MET: variants seen among roughly 807,000 people sequenced by gnomAD.
The protein encoded by MET is hepatocyte growth factor receptor.
Under a neutral mutation model 133.1 loss-of-function variants are expected in MET, and 48 were observed. The ratio of observed to expected loss-of-function variants is 0.36; its 90% CI spans 0.29 to 0.46. MET has a LOEUF of 0.46. Ranked by LOEUF, MET falls within the 20% of genes least tolerant of loss-of-function variation. The pLI is 1.00. For synonymous variants in MET, 628 were observed against 616.5 expected (o/e 1.02, Z -0.28); for missense variants, 1,442 against 1,695.9 (o/e 0.85, Z 2.63).
chr7:116,702,158 G>A (rs1584880650), intron 2 of MET, among the ~76,000 whole-genome samples: 1 of 151,992 alleles, frequency 6.6e-6, no homozygotes, highest in Non-Finnish European at 1.5e-5. Flanking sequence ...TATCGCCCAG[G>A]AAAAATTCCC....
At chr7:116,731,912 A>C in intron 3 of MET, 53 bp downstream of exon 3, 1 of 1,588,996 alleles carries the variant, frequency 6.3e-7, no homozygotes, top group Non-Finnish European at 8.6e-7. Context: ...TTGTGCAATT[A>C]ATTTGTTTTC....
chr7:116,718,149 G>C (rs1792319260), intron 2 of MET, among the ~76,000 whole-genome samples: 1 of 152,174 alleles, frequency 6.6e-6, no homozygotes, highest in African/African-American at 2.4e-5. Flanking sequence ...AGCACTTTGG[G>C]AAGCCGAGAC....
At chr7:116,782,891 T>G (rs994657746) in intron 18 of MET, among the ~76,000 whole-genome samples, 1 of 152,220 alleles carries the variant, frequency 6.6e-6, no homozygotes, top group African/African-American at 2.4e-5. Flanking sequence ...AAGTAAAGTA[T>G]CAGTCCCCTG....
At position 116,796,307 on chromosome 7, in the gene MET, G is replaced by A. The variant is rs916983613; in HGVS notation, c.*183G>A. ...ATCTGACAGAGCATCAGAACCAGAG[G>A]CTTGGTCCCACAGGCCACGGACCAA... On this transcript the variant is annotated 3_prime_UTR_variant, in exon 21 of 21. Coordinates refer to ENST00000397752, the MANE Select transcript of MET (RefSeq NM_000245.4). The A allele has an allele frequency of 1.8e-5, 12 of 657,238 alleles. No homozygotes were observed. The highest frequency in any genetic ancestry group is 2.7e-5 in the East Asian group (1 of 36,476). The allele number at this position is 657,238 out of a possible 1,614,324, so 40.7% of individuals were successfully genotyped here. A position where few individuals can be genotyped will look rare whatever the true frequency, so the allele number is the denominator to read the frequency against.
chr7:116,752,077 G>A (rs1434345427), intron 5 of MET, among the ~76,000 whole-genome samples: 2 of 151,922 alleles, frequency 1.3e-5, no homozygotes, highest in Non-Finnish European at 2.9e-5. Flanking sequence ...AAAAAAGAAA[G>A]AAAGAAAGAA....
chr7:116,718,216 G>T (rs1424508319), intron 2 of MET, among the ~76,000 whole-genome samples: 1 of 151,980 alleles, frequency 6.6e-6, no homozygotes, highest in Non-Finnish European at 1.5e-5. Context: ...GTGAAACCCA[G>T]TCTCTAATAA....
At chr7:116,753,597 CA>C (rs908488802) in intron 5 of MET, among the ~76,000 whole-genome samples, 2 of 152,026 alleles carry the variant, frequency 1.3e-5, no homozygotes, top group Non-Finnish European at 2.9e-5. Context: ...CATCAACCAT[CA>C]GGGGGAAAAA....
At chr7:116,786,373 G>T (rs767491349) in intron 19 of MET, among the ~76,000 whole-genome samples, 8 of 152,198 alleles carry the variant, frequency 5.3e-5, no homozygotes, top group Non-Finnish European at 1.0e-4. Flanking sequence ...CAGGGGTCAA[G>T]GCTGGGAATA....
At chr7:116,765,848 G>A (rs1409472143) in intron 11 of MET, among the ~76,000 whole-genome samples, 1 of 152,242 alleles carries the variant, frequency 6.6e-6, no homozygotes, top group South Asian at 2.1e-4. Context: ...GGTAAACAAA[G>A]GTTTAGGAAG....
At chr7:116,714,289 A>C (rs1792110118) in intron 2 of MET, among the ~76,000 whole-genome samples, 1 of 152,222 alleles carries the variant, frequency 6.6e-6, no homozygotes, top group African/African-American at 2.4e-5. Context: ...CTCAAGAGAA[A>C]GGATTTATTT....
chr7:116,763,635 CATCAATTGT>C (rs1464883835), intron 11 of MET, among the ~76,000 whole-genome samples: 1 of 152,150 alleles, frequency 6.6e-6, no homozygotes, highest in Admixed American at 6.5e-5. Context: ...AAAGTAAATG[CATCAATTGT>C]ATCTCCGTTC....
intron 1 of MET, among the ~76,000 whole-genome samples, chr7:116,687,931 G>A (rs1796618752): frequency 6.6e-6 from 1 of 152,156 alleles, no homozygotes; most frequent in African/African-American, 2.4e-5. Flanking sequence ...AAAGAATGGG[G>A]TTCACTCACC....
intron 1 of MET, among the ~76,000 whole-genome samples, chr7:116,692,294 G>C (rs1388977265): frequency 6.6e-6 from 1 of 152,128 alleles, no homozygotes; most frequent in East Asian, 1.9e-4. Context: ...TATCTACATA[G>C]TTATAAATTA....
At chr7:116,712,193 A>C (rs1792027185) in intron 2 of MET, among the ~76,000 whole-genome samples, 1 of 152,164 alleles carries the variant, frequency 6.6e-6, no homozygotes, top group South Asian at 2.1e-4. Context: ...TCATTTTGTC[A>C]AGTGAACACT....
At chr7:116,760,028 C>T (rs563413956) in intron 10 of MET, among the ~76,000 whole-genome samples, 2 of 152,290 alleles carry the variant, frequency 1.3e-5, no homozygotes, top group African/African-American at 2.4e-5. Flanking sequence ...CTGCCCACCT[C>T]GGCCTCCCAA....
At chr7:116,786,214 T>C (rs1329907432) in intron 19 of MET, among the ~76,000 whole-genome samples, 1 of 152,186 alleles carries the variant, frequency 6.6e-6, no homozygotes, top group Admixed American at 6.5e-5. Context: ...TATCTCTTCT[T>C]AGAAGGGCAC....
chr7:116,695,774 G>C lies in MET; in HGVS notation c.-14-3297G>C, dbSNP rs80048442. ...GGGTGGTGATGAAGAGTAAATCAAA[G>C]AGTTTAGCAGAATGCTTCCCATATG... On this transcript the variant is annotated intron_variant, in intron 1 of 20. Transcript: ENST00000397752. The C allele has an allele frequency of 1.3e-3, 618 of 491,904 alleles. 2 individuals are homozygous for C. Among genetic ancestry groups the C allele is most frequent in the African/African-American group, 0.011 (536 of 50,822 alleles). The allele number at this position is 491,904 out of a possible 1,614,324, so 30.5% of individuals were successfully genotyped here. A position where few individuals can be genotyped will look rare whatever the true frequency, so the allele number is the denominator to read the frequency against.
Position 116,755,515 on chromosome 7 carries a change from C to T in MET, c.1862C>T (p.Thr621Ile), listed in dbSNP as rs375951814. Reference sequence around the variant, plus strand: ...ACTTTAAGTGAGAGCACGATGAATACGTAAGGATCTTAAAATGCTTTGCTG... The same window carrying T: ...ACTTTAAGTGAGAGCACGATGAATATGTAAGGATCTTAAAATGCTTTGCTG... The part of the protein sequence containing the change: ...TLTLSESTMN[T>I]LKCTVGPAMN... Residue 621 changes from threonine (T) to isoleucine (I), a missense_variant and splice_region_variant, in exon 6 of 21, where the codon ACA becomes ATA. Physicochemically the swap from Thr to Ile is moderately conservative, Grantham distance 89 (BLOSUM62 -1). Coordinates refer to ENST00000397752, the MANE Select transcript of MET (RefSeq NM_000245.4). 4.3e-5 allele frequency: 69 copies of T among 1,613,852 alleles called. No homozygotes were observed. The highest frequency in any genetic ancestry group is 5.3e-5 in the Non-Finnish European group (63 of 1,179,946).
intron 2 of MET, among the ~76,000 whole-genome samples, chr7:116,713,051 T>A (rs1173220065): frequency 6.6e-6 from 1 of 152,088 alleles, no homozygotes; most frequent in Non-Finnish European, 1.5e-5. Context: ...GTCCACAGAT[T>A]TTCACTATTG....
Sources: gnomAD v4.1 joint callset for allele counts (sites outside exome capture counted in the v4.1 genomes callset) on GRCh38, gnomAD v4.1.1 for gene constraint, MANE v1.5 for transcripts, NCBI Gene and HGNC (gene_info 2026-07-23, HGNC 2026-07-21) for gene names.